Variants in SLC41A2 observed in about 807,000 individuals in gnomAD.
SLC41A2 encodes the protein SLC41A1-like 1.
Under a neutral mutation model 58.3 loss-of-function variants are expected in SLC41A2, and 32 were observed. The observed-to-expected ratio is 0.55, with a 90% CI of 0.41 to 0.74. The LOEUF (loss-of-function observed/expected upper bound fraction) is 0.74. Ranked by LOEUF, SLC41A2 falls within the 30% of genes least tolerant of loss-of-function variation. The probability of loss-of-function intolerance (pLI) is 0.00; values close to 1 mark genes in which losing one functional copy is unlikely to be tolerated. For synonymous variants in SLC41A2, 190 were observed against 235.0 expected, an observed-to-expected ratio of 0.81 and a Z score of 1.75; for missense variants, 514 against 680.6, an observed-to-expected ratio of 0.76 and a Z score of 2.72.
intron 8 of SLC41A2, 81 bp downstream of exon 8, chr12:104,861,210 C>A: frequency 2.0e-6 from 2 of 997,024 alleles, no homozygotes; most frequent in Non-Finnish European, 3.0e-6. Flanking sequence ...TGAATCTGAG[C>A]CCTAAGACTT....
At chr12:104,880,844 G>A (rs530640724) in intron 6 of SLC41A2, among the ~76,000 whole-genome samples, 2 of 152,272 alleles carry the variant, frequency 1.3e-5, no homozygotes, top group South Asian at 4.2e-4. Flanking sequence ...ATGAGTTAGG[G>A]AGGATTCTCT....
intron 10 of SLC41A2, among the ~76,000 whole-genome samples, chr12:104,823,133 G>A (rs1384721537): frequency 6.6e-6 from 1 of 152,146 alleles, no homozygotes; most frequent in Non-Finnish European, 1.5e-5. Flanking sequence ...GTTTGAGATA[G>A]AGCATCACAT....
At chr12:104,831,620 T>C (rs1011594417) in intron 10 of SLC41A2, among the ~76,000 whole-genome samples, 1 of 152,202 alleles carries the variant, frequency 6.6e-6, no homozygotes, top group Admixed American at 6.5e-5. Flanking sequence ...ATTTTACATT[T>C]AAAAAATATA....
chr12:104,878,221 G>C (rs1162645260), intron 6 of SLC41A2, among the ~76,000 whole-genome samples: 1 of 150,438 alleles, frequency 6.6e-6, no homozygotes, highest in Non-Finnish European at 1.5e-5. Context: ...TCTGGTATTT[G>C]CAAGCAGCTG....
At chr12:104,927,154 A>T (rs2046875999) in intron 2 of SLC41A2, among the ~76,000 whole-genome samples, 1 of 152,162 alleles carries the variant, frequency 6.6e-6, no homozygotes, top group Non-Finnish European at 1.5e-5. Context: ...ATTGATACAA[A>T]TTTTTTGGAA....
intron 10 of SLC41A2, among the ~76,000 whole-genome samples, chr12:104,820,663 CA>C (rs2041595458): frequency 6.6e-6 from 1 of 151,264 alleles, no homozygotes; most frequent in African/African-American, 2.4e-5. Flanking sequence ...TTTTTCCAGA[CA>C]GAGTTTCGCT....
At chr12:104,949,876 C>T (rs2047889193) in intron 1 of SLC41A2, among the ~76,000 whole-genome samples, 1 of 152,260 alleles carries the variant, frequency 6.6e-6, no homozygotes, top group South Asian at 2.1e-4. Flanking sequence ...AGCCACTGTG[C>T]CTGGCTGGTG....
chr12:104,930,529 T>C (rs928898623), intron 1 of SLC41A2, among the ~76,000 whole-genome samples: 5 of 152,150 alleles, frequency 3.3e-5, no homozygotes, highest in Non-Finnish European at 5.9e-5. Context: ...TCAAATAAAA[T>C]GCAAAACAAA....
chr12:104,824,447 A>C (rs1170007555), intron 10 of SLC41A2, among the ~76,000 whole-genome samples: 3 of 152,038 alleles, frequency 2.0e-5, no homozygotes, highest in Admixed American at 1.3e-4. Flanking sequence ...AAGCGGCCCG[A>C]CTCCAGGGGA....
Position 104,889,193 on chromosome 12 carries a change from T to A in SLC41A2, c.736-16A>T. ...TTGCCTGAACCTAAAATTTTTTTCA[T>A]AAATCCAACTGAATTATTCACTTTA... On this transcript the variant is annotated splice_polypyrimidine_tract_variant and intron_variant, in intron 4 of 10. Coordinates refer to ENST00000258538, the MANE Select transcript of SLC41A2 (RefSeq NM_001352171.3). 1 of 1,597,980 alleles carries A rather than the reference T, an allele frequency of 6.3e-7. No individual in the cohort carries two copies. The highest frequency in any genetic ancestry group is 8.5e-7 in the Non-Finnish European group (1 of 1,175,792).
intron 8 of SLC41A2, 47 bp downstream of exon 8, chr12:104,861,244 G>A (rs1470983171): frequency 7.3e-7 from 1 of 1,364,356 alleles, no homozygotes; most frequent in African/African-American, 1.4e-5. Flanking sequence ...AGACTAAGAG[G>A]ATACGAAGAT....
intron 10 of SLC41A2, among the ~76,000 whole-genome samples, chr12:104,811,235 A>G (rs919907603): frequency 6.6e-6 from 1 of 152,220 alleles, no homozygotes; most frequent in African/African-American, 2.4e-5. Flanking sequence ...GATGTGCAAG[A>G]ATATTCACCA....
chr12:104,868,338 T>G (rs2043577268), intron 6 of SLC41A2, among the ~76,000 whole-genome samples: 1 of 152,142 alleles, frequency 6.6e-6, no homozygotes, highest in South Asian at 2.1e-4. Flanking sequence ...CTAGGTCAGA[T>G]CATCTTAGTA....
intron 6 of SLC41A2, among the ~76,000 whole-genome samples, chr12:104,874,438 T>G (rs2043950597): frequency 6.6e-6 from 1 of 152,206 alleles, no homozygotes. Context: ...GTCAAGGAGC[T>G]TTTCTCCTAT....
At chr12:104,945,256 T>A (rs2047668614) in intron 1 of SLC41A2, among the ~76,000 whole-genome samples, 1 of 152,004 alleles carries the variant, frequency 6.6e-6, no homozygotes, top group Non-Finnish European at 1.5e-5. Context: ...ATCCCAGCAC[T>A]TTGGGAGGCC....
intron 5 of SLC41A2, among the ~76,000 whole-genome samples, chr12:104,887,574 A>T (rs58358166): frequency 0.014 from 2,091 of 151,894 alleles, 51 homozygotes; most frequent in African/African-American, 0.044. Context: ...AAAACTTTTT[A>T]AAAAAAATAC....
chr12:104,818,580 A>G (rs1592930352), intron 10 of SLC41A2, among the ~76,000 whole-genome samples: 1 of 152,178 alleles, frequency 6.6e-6, no homozygotes, highest in East Asian at 1.9e-4. Context: ...AGAAGGAAAG[A>G]AAAGAGAAAA....
At chr12:104,933,588 ATC>A (rs146979217) in intron 1 of SLC41A2, among the ~76,000 whole-genome samples, 14,698 of 152,108 alleles carry the variant, frequency 0.097, 1,121 homozygotes, top group East Asian at 0.26. Context: ...GCGTATGTTT[ATC>A]TGTTTATTAC....
intron 10 of SLC41A2, among the ~76,000 whole-genome samples, chr12:104,832,512 A>G (rs2042073875): frequency 6.6e-6 from 1 of 152,178 alleles, no homozygotes; most frequent in African/African-American, 2.4e-5. Context: ...GACAATTCAA[A>G]ATTGTCCATG....
Sources: gnomAD v4.1 joint callset for allele counts (sites outside exome capture counted in the v4.1 genomes callset) on GRCh38, gnomAD v4.1.1 for gene constraint, MANE v1.5 for transcripts, NCBI Gene and HGNC (gene_info 2026-07-23, HGNC 2026-07-21) for gene names.